RAI14: variants seen among roughly 807,000 people sequenced by gnomAD.
RAI14 encodes ankycorbin.
A neutral mutation model predicts 115.4 loss-of-function variants in RAI14; 45 were observed. The observed-to-expected ratio is 0.39, with a 90% CI of 0.31 to 0.50. The LOEUF (loss-of-function observed/expected upper bound fraction) is 0.50. RAI14 is among the 20% of genes least tolerant of loss of function. RAI14 has a pLI of 0.85. For missense variants in RAI14, 939 were observed against 1,131.2 expected, an observed-to-expected ratio of 0.83 and a Z score of 2.44; for synonymous variants, 371 against 415.4, an observed-to-expected ratio of 0.89 and a Z score of 1.30.
At chr5:34,730,843 C>T (rs1459903900) in intron 2 of RAI14, among the ~76,000 whole-genome samples, 1 of 151,734 alleles carries the variant, frequency 6.6e-6, no homozygotes, top group South Asian at 2.1e-4. Context: ...ATTAGCTGGG[C>T]GTGGTGGTGG....
chr5:34,814,748 G>T, intron 12 of RAI14, 79 bp downstream of exon 12: 1 of 1,094,716 alleles, frequency 9.1e-7, no homozygotes, highest in Non-Finnish European at 1.4e-6. Context: ...ATAACACTGG[G>T]AAAAACAGAA....
At chr5:34,716,044 C>A in intron 2 of RAI14, 1 of 449,568 alleles carries the variant, frequency 2.2e-6, no homozygotes, top group Non-Finnish European at 4.5e-6. Context: ...ACCATATTTC[C>A]TGTCCTCTAG....
chr5:34,702,462 A>G (rs995889921), intron 2 of RAI14, among the ~76,000 whole-genome samples: 1 of 152,180 alleles, frequency 6.6e-6, no homozygotes, highest in Non-Finnish European at 1.5e-5. Flanking sequence ...CTGGGCGATC[A>G]AGCAAGACCC....
intron 2 of RAI14, among the ~76,000 whole-genome samples, chr5:34,714,666 G>C (rs1333202094): frequency 6.6e-6 from 1 of 152,160 alleles, no homozygotes; most frequent in African/African-American, 2.4e-5. Context: ...ATATCAGCAG[G>C]AATATTTAAC....
rs1313358690 is a variant in RAI14, at chr5:34,720,975, A to T, written c.36+34020A>T. ...GGAGTAGCTGGAATTACAGGAGTGC[A>T]CTGTAATTTTTGTTGTTGTTGCTAT... is the stretch of plus-strand genomic sequence containing the variant. On this transcript the variant is annotated intron_variant, in intron 2 of 17. Transcript: ENST00000265109. Among the ~76,000 whole-genome samples, 4 of 151,888 alleles carry T rather than the reference A, an allele frequency of 2.6e-5. No individual in the cohort carries two copies. In the East Asian group the frequency reaches 7.8e-4, roughly 30 times the overall value.
intron 2 of RAI14, among the ~76,000 whole-genome samples, chr5:34,737,589 CA>C (rs113624140): frequency 6.1e-5 from 9 of 146,480 alleles, no homozygotes; most frequent in East Asian, 4.1e-4. Context: ...CTCATCTCTA[CA>C]AAAAAAAAAA....
chr5:34,796,419 G>A (rs1047777546), intron 4 of RAI14, among the ~76,000 whole-genome samples: 10 of 149,892 alleles, frequency 6.7e-5, no homozygotes, highest in Non-Finnish European at 4.4e-5. Flanking sequence ...AAAAATTAGA[G>A]TCTACAGATA....
In RAI14 at chr5:34,795,409, T is replaced by A. The variant is rs115459422; in HGVS notation, c.168-530T>A. 3.4e-3 allele frequency among the ~76,000 whole-genome samples: 514 copies of A among 152,338 alleles called. 1 individual carries two copies. Among genetic ancestry groups the A allele is most frequent in the Non-Finnish European group, 5.6e-3 (381 of 68,034 alleles). ...CAGATGCTTGACCCACATTAGGCAC[T>A]TACCAAATATTGCATGCAACTATTG... is the stretch of plus-strand genomic sequence containing the variant. On this transcript the variant is annotated intron_variant, in intron 3 of 17. Transcript: ENST00000265109.
chr5:34,658,337 G>T (rs2149835737), intron 1 of RAI14, among the ~76,000 whole-genome samples: 1 of 152,254 alleles, frequency 6.6e-6, no homozygotes, highest in Middle Eastern at 3.4e-3. Flanking sequence ...CATGTTCTAG[G>T]CAGGTACACG....
intron 3 of RAI14, among the ~76,000 whole-genome samples, chr5:34,767,609 ACCCCCACCAC>A (rs1749582792): frequency 2.0e-5 from 1 of 49,162 alleles, no homozygotes. Flanking sequence ...CACCCCCACC[ACCCCCACCAC>A]CCCCCACCCC....
At chr5:34,688,323 T>C in intron 2 of RAI14, 1 of 1,384,788 alleles carries the variant, frequency 7.2e-7, no homozygotes, top group Non-Finnish European at 9.9e-7. Context: ...AACAAATGTC[T>C]TTTTCTATTC....
chr5:34,720,833 A>G (rs1257152445), intron 2 of RAI14, among the ~76,000 whole-genome samples: 5 of 152,072 alleles, frequency 3.3e-5, no homozygotes, highest in Non-Finnish European at 7.4e-5. Flanking sequence ...TGCTATTCAC[A>G]TGTAAAGTTC....
chr5:34,750,829 A>C (rs1746880730), intron 2 of RAI14, among the ~76,000 whole-genome samples: 1 of 135,876 alleles, frequency 7.4e-6, no homozygotes. Context: ...TACTGACCTT[A>C]TCCTTACTTT....
intron 1 of RAI14, among the ~76,000 whole-genome samples, chr5:34,661,045 C>T (rs187461203): frequency 2.0e-5 from 3 of 152,288 alleles, no homozygotes; most frequent in East Asian, 1.9e-4. Context: ...TCTAGCTTGC[C>T]GTGTATAGGT....
chr5:34,732,843 G>T (rs2150026696), intron 2 of RAI14, among the ~76,000 whole-genome samples: 1 of 149,862 alleles, frequency 6.7e-6, no homozygotes, highest in South Asian at 2.1e-4. Context: ...TCTCTAATAG[G>T]ATTACTTCGA....
chr5:34,757,480 A>G lies in RAI14; in HGVS notation c.49A>G (p.Asn17Asp). 6.2e-7 allele frequency: 1 copy of G among 1,613,762 alleles called. No homozygotes were observed. The highest frequency in any genetic ancestry group is 8.5e-7 in the Non-Finnish European group (1 of 1,179,910). ...KFRKSDTNEW[N>D]KNDDRLLQAV... ...TCTTTCTCTACAGACCAATGAGTGGAACAAGAATGATGACCGGCTACTGCA... is the reference window on the plus strand; with the variant it reads ...TCTTTCTCTACAGACCAATGAGTGGGACAAGAATGATGACCGGCTACTGCA... Residue 17 changes from asparagine (N) to aspartate (D), a missense_variant, in exon 3 of 18, where the codon AAC (asparagine) becomes GAC (aspartate). Transcript: ENST00000265109.
rs1029508088 is a variant in RAI14 at position 34,683,969 on chromosome 5, C to T, written c.-48-2903C>T. On this transcript the variant is annotated intron_variant, in intron 1 of 17. Coordinates refer to ENST00000265109, the MANE Select transcript of RAI14 (RefSeq NM_015577.3). ...ATCTCGATTTCCTGACCTTGTGTTC[C>T]GCCGGCCTCGGCCTCCCAAAGTGCT... 4.2e-4 allele frequency among the ~76,000 whole-genome samples: 64 copies of T among 152,282 alleles called. 1 individual carries two copies. Among genetic ancestry groups the T allele is most frequent in the Non-Finnish European group, 4.4e-4 (30 of 68,024 alleles).
At chr5:34,782,194 C>T (rs546405180) in intron 3 of RAI14, among the ~76,000 whole-genome samples, 1 of 152,326 alleles carries the variant, frequency 6.6e-6, no homozygotes, top group East Asian at 1.9e-4. Context: ...TGTCACAGTG[C>T]TGCAGAGATT....
intron 3 of RAI14, among the ~76,000 whole-genome samples, chr5:34,770,905 A>C (rs543388476): frequency 2.7e-4 from 41 of 152,214 alleles, no homozygotes; most frequent in Non-Finnish European, 5.0e-4. Context: ...ACATCATATA[A>C]AAAGAGTACA....
Sources: allele counts gnomAD v4.1 joint callset (sites outside exome capture counted in the v4.1 genomes callset), GRCh38; gene constraint gnomAD v4.1.1; transcripts MANE v1.5; gene names NCBI Gene and HGNC (gene_info 2026-07-23, HGNC 2026-07-21).